The following RFWD3 variants were observed in gnomAD, a reference collection of about 807,000 sequenced individuals.
RFWD3 encodes the protein E3 ubiquitin-protein ligase RFWD3.
A neutral mutation model predicts 87.7 loss-of-function variants in RFWD3; 65 were observed. The observed-to-expected ratio is 0.74, with a 90% confidence interval of 0.61 to 0.91. RFWD3 has a LOEUF of 0.91. RFWD3 is among the 40% of genes least tolerant of loss of function. The pLI is 0.00. For synonymous variants in RFWD3, 433 were observed against 352.8 expected (o/e 1.23, Z -2.55); for missense variants, 1,078 against 938.5 (o/e 1.15, Z -1.94).
chr16:74,651,955 T>C lies in RFWD3; in HGVS notation c.686A>G (p.Asp229Gly), dbSNP rs1357211389. Residue 229 changes from aspartate to glycine, a missense_variant, in exon 3 of 13, where the codon GAC becomes GGC. Physicochemically the swap from Asp to Gly is moderately conservative, Grantham distance 94. Transcript: ENST00000361070. ...GACAGCTCCAGATTCCTCTGCCTGG[T>C]CAACAACCCCTCCATACTCTGCAGA... ...DSSAEYGGVV[D>G]QAEESGAVIL... 6.2e-7 allele frequency: 1 copy of C among 1,613,828 alleles called. No homozygotes were observed. The highest frequency in any genetic ancestry group is 8.5e-7 in the Non-Finnish European group (1 of 1,179,904).
Position 74,623,835 on chromosome 16 carries a change from T to C in RFWD3, c.*93A>G, listed in dbSNP as rs1054211000. On this transcript the variant is annotated 3_prime_UTR_variant, in exon 13 of 13. Transcript: ENST00000361070. The stretch of plus-strand genomic sequence containing the variant: ...AACCATGATTCCCAATGTTCTAGAC[T>C]GCAGACAATAAACAGGGATCTTGCT... The C allele has an allele frequency of 5.9e-6, 8 of 1,359,242 alleles. No homozygotes were observed. The Middle Eastern group carries it at 5.5e-4, about 93-fold the overall frequency. 84.2% of individuals were successfully genotyped at this position (1,359,242 alleles called of 1,614,324 possible). A position where few individuals can be genotyped will look rare whatever the true frequency, so the allele number is the denominator to read the frequency against.
chr16:74,655,203 T>C (rs545720682), intron 2 of RFWD3, among the ~76,000 whole-genome samples: 160 of 152,194 alleles, frequency 1.1e-3, no homozygotes, highest in African/African-American at 3.4e-3. Context: ...CTGACTCTCT[T>C]GTTAGGGGAT....
intron 1 of RFWD3, among the ~76,000 whole-genome samples, chr16:74,665,823 T>C (rs1037922161): frequency 2.0e-5 from 3 of 151,600 alleles, no homozygotes; most frequent in Non-Finnish European, 4.4e-5. Flanking sequence ...CTCAGCTCAC[T>C]GCAACCTCGG....
intron 2 of RFWD3, among the ~76,000 whole-genome samples, chr16:74,657,616 T>C (rs1007365336): frequency 1.3e-5 from 2 of 151,998 alleles, no homozygotes; most frequent in Non-Finnish European, 2.9e-5. Context: ...GCTGGGATTA[T>C]GGGCACCCGC....
chr16:74,664,697 C>T (rs975606508), intron 1 of RFWD3: 7 of 151,554 alleles, frequency 4.6e-5, no homozygotes, highest in Non-Finnish European at 7.4e-5. Context: ...TACATTGAGC[C>T]GAGATCACGC....
intron 12 of RFWD3, among the ~76,000 whole-genome samples, chr16:74,624,557 G>A (rs572677922): frequency 3.9e-5 from 6 of 152,260 alleles, no homozygotes; most frequent in East Asian, 1.9e-4. Flanking sequence ...CACCACGCCC[G>A]GCTAATTTTC....
chr16:74,655,788 AG>A (rs1960934003), intron 2 of RFWD3, among the ~76,000 whole-genome samples: 1 of 152,102 alleles, frequency 6.6e-6, no homozygotes, highest in Non-Finnish European at 1.5e-5. Flanking sequence ...GGCCTCCCAA[AG>A]TGCTGGGATT....
intron 3 of RFWD3, among the ~76,000 whole-genome samples, chr16:74,649,873 C>T (rs990839611): frequency 6.6e-6 from 1 of 152,076 alleles, no homozygotes; most frequent in Non-Finnish European, 1.5e-5. Flanking sequence ...ATGAAATGTC[C>T]TACACATCCT....
chr16:74,630,947 T>C lies in RFWD3; in HGVS notation c.1588A>G (p.Asn530Asp), dbSNP rs556946424. ...GCATTATAAGTCTGGACCACGGTAT[T>C]TGTCTCCAGGCTGTGGAGTTACAAA... ...NTIKLTSLET[N>D]TVVQTYNAGR... is the part of the protein sequence containing the mutation. The change falls in exon 10 of 13, where the codon AAT becomes GAT. Residue 530 changes from asparagine to aspartate, a missense_variant. Coordinates refer to ENST00000361070, the MANE Select transcript of RFWD3 (RefSeq NM_018124.4). 2 of 1,608,328 alleles carry C rather than the reference T, an allele frequency of 1.2e-6. No individual in the cohort carries two copies. Among genetic ancestry groups the C allele is most frequent in the Admixed American group, 1.7e-5 (1 of 58,222 alleles).
At position 74,644,560 on chromosome 16, in the gene RFWD3, T is replaced by G. The variant is rs779030049; in HGVS notation, c.968A>C (p.Gln323Pro). 1.9e-6 allele frequency: 3 copies of G among 1,614,206 alleles called. No individual in the cohort carries two copies. The change falls in exon 5 of 13, where the codon CAA (glutamine) becomes CCA (proline). Residue 323 changes from glutamine (Q) to proline (P), a missense_variant. Coordinates refer to ENST00000361070, the MANE Select transcript of RFWD3 (RefSeq NM_018124.4). ...CCTTACCTGGGGACATTTTCGTACTTGTCCTTTAAGCCACGTGGAAATGCA... is the reference window on the plus strand; with the variant it reads ...CCTTACCTGGGGACATTTTCGTACTGGTCCTTTAAGCCACGTGGAAATGCA... ...YRCISTWLKGQVRKCPQCNKK... is the reference protein window; with the variant it reads ...YRCISTWLKGPVRKCPQCNKK...
intron 6 of RFWD3, among the ~76,000 whole-genome samples, chr16:74,641,976 A>C (rs1209244727): frequency 6.6e-6 from 1 of 151,590 alleles, no homozygotes; most frequent in African/African-American, 2.4e-5. Context: ...AAAAACCAAA[A>C]CAAAACTTTC....
At chr16:74,653,151 T>G (rs78754429) in intron 2 of RFWD3, among the ~76,000 whole-genome samples, 15,513 of 151,874 alleles carry the variant, frequency 0.1, 1,222 homozygotes, top group East Asian at 0.38. Context: ...CCAGCCTGAT[T>G]AACATGGTGA....
In RFWD3 at chr16:74,630,877, T is replaced by C; in HGVS notation, c.1658A>G (p.Asn553Ser). ...ATTGGCCAGTCCAGCATAGATGTAG[T>C]TAGCCTCATCAAGACACCAGCAACA... ...WSCCWCLDEA[N>S]YIYAGLANGS... The change falls in exon 10 of 13, where the codon AAC becomes AGC. Residue 553 changes from asparagine to serine, a missense_variant. Physicochemically the swap from Asn to Ser is conservative, Grantham distance 46. Coordinates refer to ENST00000361070, the MANE Select transcript of RFWD3 (RefSeq NM_018124.4). 3 of 1,614,090 alleles carry C rather than the reference T, an allele frequency of 1.9e-6. No homozygotes were observed. The highest frequency in any genetic ancestry group is 2.5e-6 in the Non-Finnish European group (3 of 1,179,952).
chr16:74,656,102 A>G (rs963634867), intron 2 of RFWD3, among the ~76,000 whole-genome samples: 3 of 152,060 alleles, frequency 2.0e-5, no homozygotes, highest in African/African-American at 7.2e-5. Flanking sequence ...CACACCTGTA[A>G]TCTCAGTACT....
chr16:74,635,630 T>C (rs185190021), intron 8 of RFWD3, among the ~76,000 whole-genome samples: 1 of 152,238 alleles, frequency 6.6e-6, no homozygotes, highest in East Asian at 1.9e-4. Flanking sequence ...CATTAGGAAA[T>C]AGCTATTTTT....
At chr16:74,643,810 G>A (rs1271484851) in intron 6 of RFWD3, among the ~76,000 whole-genome samples, 2 of 151,812 alleles carry the variant, frequency 1.3e-5, no homozygotes, top group African/African-American at 4.8e-5. Flanking sequence ...TCAGTAGCTG[G>A]GATTACAGGC....
intron 1 of RFWD3, chr16:74,666,449 G>C (rs994473330): frequency 3.9e-5 from 6 of 152,210 alleles, no homozygotes; most frequent in African/African-American, 1.4e-4. Flanking sequence ...TGAGGAGCCC[G>C]AGGCTAGGCT....
At position 74,628,522 on chromosome 16, in the gene RFWD3, C is replaced by A; in HGVS notation, c.1899G>T (p.Leu633Phe). 1 of 1,614,208 alleles carries A rather than the reference C, an allele frequency of 6.2e-7. No individual in the cohort carries two copies. Reference protein sequence around the residue: ...DFSHWPHVLPLEPGGCIDFQT... With the variant: ...DFSHWPHVLPFEPGGCIDFQT... ...GAAAGTCTATGCAGCCCCCTGGCTC[C>A]AAGGGCAGCACATGAGGCCAATGAG... The change falls in exon 11 of 13, where the codon TTG becomes TTT. Residue 633 changes from leucine to phenylalanine, a missense_variant. By Grantham distance (22) the Leu-to-Phe change is conservative (BLOSUM62 0). Coordinates refer to ENST00000361070, the MANE Select transcript of RFWD3 (RefSeq NM_018124.4).
At chr16:74,664,184 C>A (rs552735719) in intron 1 of RFWD3, among the ~76,000 whole-genome samples, 1 of 152,282 alleles carries the variant, frequency 6.6e-6, no homozygotes, top group Non-Finnish European at 1.5e-5. Flanking sequence ...CTCCTCGGCT[C>A]AAGCAACCCT....
Sources: allele counts gnomAD v4.1 joint callset (sites outside exome capture counted in the v4.1 genomes callset), GRCh38; gene constraint gnomAD v4.1.1; transcripts MANE v1.5; gene names NCBI Gene and HGNC (gene_info 2026-07-23, HGNC 2026-07-21).